ADGRG2: variants seen among roughly 807,000 people sequenced by gnomAD.
ADGRG2 encodes adhesion G protein-coupled receptor G2, also known as G protein-coupled receptor 64.
In ADGRG2, 26 loss-of-function variants were observed where a neutral mutation model predicts 74.1. The observed-to-expected ratio is 0.35, with a 90% confidence interval of 0.26 to 0.49. The LOEUF is 0.49. Among genes scored for constraint, ADGRG2 ranks in the 20% least tolerant of loss-of-function variants. The pLI, the probability that ADGRG2 is intolerant of heterozygous loss-of-function variation, is 0.99. For missense variants in ADGRG2, 619 were observed against 763.1 expected (o/e 0.81, Z 2.22); for synonymous variants, 296 against 295.2 (o/e 1.00, Z -0.03).
intron 22 of ADGRG2, 121 bp downstream of exon 22, chrX:19,005,881 G>T (rs2146539661): frequency 2.0e-6 from 1 of 506,180 alleles, no homozygotes; most frequent in Non-Finnish European, 3.6e-6. Flanking sequence ...GTATAAATCA[G>T]CCACAATATC....
intron 3 of ADGRG2, among the ~76,000 whole-genome samples, chrX:19,043,001 AG>A (rs2061102150): frequency 9.1e-6 from 1 of 109,604 alleles, no homozygotes; most frequent in African/African-American, 3.3e-5. Flanking sequence ...AAAAAAAAAA[AG>A]TAGATGAGGG....
Position 19,102,380 on chromosome X carries a change from C to G in ADGRG2, c.-46-19634G>C, listed in dbSNP as rs377229586. The stretch of plus-strand genomic sequence containing the variant: ...TGGCAAAGTTAACAAGCCCACCTCA[C>G]TTGAAGAAAATCAATTTCCTCTTTA... On this transcript the variant is annotated intron_variant, in intron 1 of 28. Transcript: ENST00000379869. Among the ~76,000 whole-genome samples, 7 of 110,028 alleles carry G rather than the reference C, an allele frequency of 6.4e-5. No homozygotes were observed. In the South Asian group the frequency reaches 2.9e-3, roughly 46 times the overall value.
At chrX:19,077,901 A>G (rs1210556127) in intron 2 of ADGRG2, among the ~76,000 whole-genome samples, 1 of 112,426 alleles carries the variant, frequency 8.9e-6, no homozygotes, top group Non-Finnish European at 1.9e-5. Flanking sequence ...GAATATAAGG[A>G]GAAATAGAAC....
rs781304544 is a variant in ADGRG2, at chrX:19,026,495, C to CT, written c.470+723dup. 8.5e-3 allele frequency among the ~76,000 whole-genome samples: 809 copies of CT among 94,969 alleles called. 6 individuals are homozygous for CT. The highest frequency in any genetic ancestry group is 0.024 in the African/African-American group (629 of 26,108). 82.5% of individuals were successfully genotyped at this position (94,969 alleles called of 115,157 possible). On this transcript the variant is annotated intron_variant, in intron 11 of 28. Coordinates refer to ENST00000379869, the MANE Select transcript of ADGRG2 (RefSeq NM_001079858.3). ...TTGACTTACTGTTTAACTGGGGGCA[C>CT]TTTTTTTTTTTTTTTTTGAGACAGA...
intron 1 of ADGRG2, among the ~76,000 whole-genome samples, chrX:19,102,506 G>A (rs900750495): frequency 3.7e-5 from 4 of 109,043 alleles, no homozygotes; most frequent in African/African-American, 1.3e-4. Context: ...TCGCATGGAG[G>A]CCCATCGACC....
rs889784875 is a variant in ADGRG2 at position 19,115,118 on chromosome X, A to G, written c.-47+7324T>C. ...TGGTTAATGAACTGCTTACATTAAA[A>G]TACTCCACGCTTAACCTAAAGAAAT... On this transcript the variant is annotated intron_variant, in intron 1 of 28. Transcript: ENST00000379869. Among the ~76,000 whole-genome samples the G allele has an allele frequency of 6.2e-5, 7 of 112,070 alleles. No individual in the cohort carries two copies. The Admixed American group carries it at 6.6e-4, about 11-fold the overall frequency.
At chrX:19,038,932 T>C (rs2060999247) in intron 4 of ADGRG2, among the ~76,000 whole-genome samples, 1 of 111,960 alleles carries the variant, frequency 8.9e-6, no homozygotes, top group Non-Finnish European at 1.9e-5. Flanking sequence ...ATTGGCGAGA[T>C]CAAAAGAGCT....
intron 2 of ADGRG2, among the ~76,000 whole-genome samples, chrX:19,078,401 A>T (rs761761510): frequency 4.5e-5 from 5 of 110,438 alleles, no homozygotes; most frequent in African/African-American, 1.3e-4. Context: ...ACAAAAAAAT[A>T]AAAAAATTAG....
At chrX:19,037,734 G>C in intron 4 of ADGRG2, 98 bp from the exon 5 acceptor site, 1 of 583,339 alleles carries the variant, frequency 1.7e-6, no homozygotes, top group Non-Finnish European at 2.7e-6. Context: ...AAAAGAAGTA[G>C]AAAACACACT....
rs201770516 is a variant in ADGRG2, at chrX:19,113,341, G to GCA, written c.-47+9099_-47+9100dup. Among the ~76,000 whole-genome samples the GCA allele has an allele frequency of 4.9e-3, 547 of 111,189 alleles. 4 individuals carry two copies. The highest frequency in any genetic ancestry group is 0.017 in the African/African-American group (515 of 30,589). ...TGCAGTGAGCCGAGATTGTGCCACCGCACTCCAGCCTATCTCAATCAATCA... is the reference window on the plus strand; with the variant it reads ...TGCAGTGAGCCGAGATTGTGCCACCGCACACTCCAGCCTATCTCAATCAATCA... On this transcript the variant is annotated intron_variant, in intron 1 of 28. Coordinates refer to ENST00000379869, the MANE Select transcript of ADGRG2 (RefSeq NM_001079858.3).
chrX:19,044,733 C>G (rs1036829462), intron 3 of ADGRG2, among the ~76,000 whole-genome samples: 4 of 111,459 alleles, frequency 3.6e-5, no homozygotes, highest in Non-Finnish European at 7.5e-5. Context: ...CAACTCCCAC[C>G]TCCATATCCA....
At chrX:19,116,982 G>C (rs1170810717) in intron 1 of ADGRG2, among the ~76,000 whole-genome samples, 1 of 112,054 alleles carries the variant, frequency 8.9e-6, no homozygotes, top group Non-Finnish European at 1.9e-5. Context: ...ATACAAGTAT[G>C]TTTGGACTGA....
intron 1 of ADGRG2, among the ~76,000 whole-genome samples, chrX:19,113,254 T>C (rs747227834): frequency 3.5e-4 from 39 of 110,232 alleles, no homozygotes; most frequent in African/African-American, 1.3e-3. Flanking sequence ...GGTACGTGCC[T>C]GTAGTCCCAG....
intron 16 of ADGRG2, among the ~76,000 whole-genome samples, chrX:19,012,943 G>A (rs1426088507): frequency 9.0e-6 from 1 of 111,538 alleles, no homozygotes; most frequent in East Asian, 2.8e-4. Flanking sequence ...TTGGACCCTG[G>A]AGGCCTTGGC....
rs368159547 is a variant in ADGRG2 at position 19,006,055 on chromosome X, A to G, written c.1786T>C (p.Leu596=). Residue 596 remains leucine (L), a synonymous_variant, in exon 22 of 29, where the codon TTG becomes CTG. Coordinates refer to ENST00000379869, the MANE Select transcript of ADGRG2 (RefSeq NM_001079858.3). The part of the protein sequence containing the change: ...DNGCSVKDRR[L]NETICTCSHL... ...CTACAGGTACAGATGGTTTCATTCAATCTCCTGTCTTTGACAGAGCAGCCA... is the reference window on the plus strand; with the variant it reads ...CTACAGGTACAGATGGTTTCATTCAGTCTCCTGTCTTTGACAGAGCAGCCA... 3.3e-6 allele frequency: 4 copies of G among 1,207,470 alleles called. No homozygotes were observed. The African/African-American group carries it at 7.0e-5, about 21-fold the overall frequency.
Position 19,043,132 on chromosome X carries a change from A to G in ADGRG2, c.119-2908T>C, listed in dbSNP as rs139698937. On this transcript the variant is annotated intron_variant, in intron 3 of 28. Coordinates refer to ENST00000379869, the MANE Select transcript of ADGRG2 (RefSeq NM_001079858.3). ...GGAGGGAATCTAGTAAATTAAAGCT[A>G]GAGATTTTTAAATGATTCTTCTCTG... Among the ~76,000 whole-genome samples the G allele has an allele frequency of 7.1e-3, 799 of 111,865 alleles. 6 individuals are homozygous for G. Among genetic ancestry groups the G allele is most frequent in the African/African-American group, 0.025 (762 of 30,810 alleles).
chrX:19,117,368 CAA>C (rs1432128976), intron 1 of ADGRG2, among the ~76,000 whole-genome samples: 1 of 108,969 alleles, frequency 9.2e-6, no homozygotes, highest in African/African-American at 3.3e-5. Flanking sequence ...GAATGGTGGG[CAA>C]AAAAAGTTTG....
chrX:19,012,051 T>C (rs1466339665), intron 16 of ADGRG2, among the ~76,000 whole-genome samples: 1 of 112,274 alleles, frequency 8.9e-6, no homozygotes, highest in Non-Finnish European at 1.9e-5. Flanking sequence ...AACTATTTGT[T>C]GTTGGGCTAT....
In ADGRG2 at chrX:19,021,354, C is replaced by T. The variant is rs146200246; in HGVS notation, c.549-156G>A. On this transcript the variant is annotated intron_variant, in intron 13 of 28. Coordinates refer to ENST00000379869, the MANE Select transcript of ADGRG2 (RefSeq NM_001079858.3). ...TAAGCTTGTAAATACCCATTTACCA[C>T]GGTCTGAATTTTACCCAAAAAGACT... 7.6e-4 allele frequency: 379 copies of T among 499,894 alleles called. 2 individuals carry two copies. In the East Asian group the frequency reaches 0.012, roughly 15 times the overall value. The allele number at this position is 499,894 out of a possible 1,213,427, so 41.2% of individuals were successfully genotyped here. A position where few individuals can be genotyped will look rare whatever the true frequency, so the allele number is the denominator to read the frequency against.
Sources: allele counts gnomAD v4.1 joint callset (sites outside exome capture counted in the v4.1 genomes callset), GRCh38; gene constraint gnomAD v4.1.1; transcripts MANE v1.5; gene names NCBI Gene and HGNC (gene_info 2026-07-23, HGNC 2026-07-21).